Variants in BTBD2 observed in about 807,000 individuals in gnomAD.
BTBD2 encodes BTB/POZ domain-containing protein 2.
BTBD2 carries 15 observed loss-of-function variants against 44.0 expected under a neutral mutation model. The ratio of observed to expected loss-of-function variants is 0.34; its 90% CI spans 0.23 to 0.53. The LOEUF (loss-of-function observed/expected upper bound fraction) is 0.53. Among genes scored for constraint, BTBD2 ranks in the 20% least tolerant of loss-of-function variants. The pLI, the probability that BTBD2 is intolerant of heterozygous loss-of-function variation, is 0.95. For missense variants in BTBD2, 657 were observed against 746.4 expected (o/e 0.88, Z 1.39); for synonymous variants, 443 against 335.9 (o/e 1.32, Z -3.49).
At chr19:1,996,566 GGA>G (rs1341192978) in intron 2 of BTBD2, among the ~76,000 whole-genome samples, 4 of 137,038 alleles carry the variant, frequency 2.9e-5, no homozygotes, top group Non-Finnish European at 3.1e-5. Context: ...AAAAAAAGAA[GGA>G]AAGAAAAGAA....
chr19:2,007,073 G>T lies in BTBD2; in HGVS notation c.407+8224C>A, dbSNP rs553584701. Among the ~76,000 whole-genome samples, 198 of 152,164 alleles carry T rather than the reference G, an allele frequency of 1.3e-3. 1 individual carries two copies. Among genetic ancestry groups the T allele is most frequent in the Non-Finnish European group, 2.3e-3 (158 of 68,014 alleles). On this transcript the variant is annotated intron_variant, in intron 1 of 8. Coordinates refer to ENST00000255608, the MANE Select transcript of BTBD2 (RefSeq NM_017797.4). Reference sequence around the variant, plus strand: ...GGGTTTCACCATCTTGGCCAGGCTGGTCTTGAACTCCTGACCTCATGATCC... The same window carrying T: ...GGGTTTCACCATCTTGGCCAGGCTGTTCTTGAACTCCTGACCTCATGATCC...
At chr19:2,008,050 G>A (rs1168390732) in intron 1 of BTBD2, among the ~76,000 whole-genome samples, 1 of 151,574 alleles carries the variant, frequency 6.6e-6, no homozygotes, top group Admixed American at 6.6e-5. Context: ...TTTTGCCCAG[G>A]CTGGAGTGCA....
intron 6 of BTBD2, 79 bp from the exon 7 acceptor site, chr19:1,987,332 C>A: frequency 6.5e-7 from 1 of 1,527,492 alleles, no homozygotes; most frequent in Non-Finnish European, 9.0e-7. Context: ...CACCCCCATG[C>A]CCGGTCCCCT....
intron 2 of BTBD2, among the ~76,000 whole-genome samples, chr19:1,994,387 T>TG (rs2016223182): frequency 6.6e-6 from 1 of 152,030 alleles, no homozygotes; most frequent in African/African-American, 2.4e-5. Context: ...CCCAGCACGT[T>TG]GGGAGGCAGA....
chr19:2,001,582 G>A lies in BTBD2; in HGVS notation c.408-4119C>T, dbSNP rs112482548. Among the ~76,000 whole-genome samples, 538 of 152,296 alleles carry A rather than the reference G, an allele frequency of 3.5e-3. 2 individuals carry two copies. Among genetic ancestry groups the A allele is most frequent in the African/African-American group, 0.012 (488 of 41,554 alleles). On this transcript the variant is annotated intron_variant, in intron 1 of 8. Coordinates refer to ENST00000255608, the MANE Select transcript of BTBD2 (RefSeq NM_017797.4). ...CGTGATGTAATCTACGCAATGCAAC[G>A]TCCATGAAGAGCCTTAAACCACAGG...
intron 1 of BTBD2, among the ~76,000 whole-genome samples, chr19:2,001,624 G>T (rs994624979): frequency 6.6e-6 from 1 of 152,216 alleles, no homozygotes; most frequent in African/African-American, 2.4e-5. Flanking sequence ...CCTCCAAGCT[G>T]GTGACTTTAT....
chr19:2,013,871 G>A (rs2016498222), intron 1 of BTBD2: 1 of 155,838 alleles, frequency 6.4e-6, no homozygotes, highest in Non-Finnish European at 1.4e-5. Context: ...GGGTGGGAGT[G>A]GCAGGGTCCC....
intron 1 of BTBD2, among the ~76,000 whole-genome samples, chr19:2,010,634 T>TCC (rs910765921): frequency 7.6e-5 from 11 of 145,518 alleles, no homozygotes; most frequent in Non-Finnish European, 1.5e-4. Context: ...CGTCCCGACA[T>TCC]CCCCCCACCT....
chr19:1,990,547 C>T (rs1032200390), intron 4 of BTBD2, among the ~76,000 whole-genome samples, 170 bp downstream of exon 4: 3 of 152,280 alleles, frequency 2.0e-5, no homozygotes, highest in African/African-American at 7.2e-5. Context: ...GGCCAAGGCC[C>T]CGGACTCCCG....
intron 1 of BTBD2, chr19:2,003,301 G>A (rs34568594): frequency 0.21 from 31,630 of 151,648 alleles, 3,744 homozygotes; most frequent in African/African-American, 0.31. Flanking sequence ...GTGAAACCCC[G>A]TCTCTGCTAA....
At position 1,986,822 on chromosome 19, in the gene BTBD2, C is replaced by T. The variant is rs749035980; in HGVS notation, c.1416+8G>A. 6.9e-6 allele frequency: 11 copies of T among 1,598,818 alleles called. No individual in the cohort carries two copies. Among genetic ancestry groups the T allele is most frequent in the Middle Eastern group, 1.7e-4 (1 of 5,852 alleles). ...CCCACGGAGGGACCCCTGTCCCCGG[C>T]GGCGCACCTTGAGCGTGGCACAGGC... On this transcript the variant is annotated splice_region_variant and intron_variant, in intron 8 of 8. Coordinates refer to ENST00000255608, the MANE Select transcript of BTBD2 (RefSeq NM_017797.4).
intron 4 of BTBD2, chr19:1,990,471 A>T (rs1693907417): frequency 6.6e-6 from 4 of 610,200 alleles, no homozygotes; most frequent in Admixed American, 2.9e-5. Flanking sequence ...AGTCAAAGCC[A>T]TGGACCATCG....
At chr19:1,994,426 T>C (rs1376927393) in intron 2 of BTBD2, among the ~76,000 whole-genome samples, 1 of 151,536 alleles carries the variant, frequency 6.6e-6, no homozygotes, top group Non-Finnish European at 1.5e-5. Flanking sequence ...GACCAGGAGT[T>C]GGAAACCAGT....
Position 2,013,725 on chromosome 19 carries a change from G to A in BTBD2, c.407+1572C>T, listed in dbSNP as rs148455270. ...GGGCGGGCAGGGGGTATCCCTGGAG[G>A]GGAGCAGCATGGTTTGAAGGTCTCT... On this transcript the variant is annotated intron_variant, in intron 1 of 8. Transcript: ENST00000255608. 8.8e-4 allele frequency: 859 copies of A among 972,252 alleles called. 1 individual carries two copies. In the Middle Eastern group the frequency reaches 0.011, roughly 12 times the overall value. 60.2% of individuals were successfully genotyped at this position (972,252 alleles called of 1,614,324 possible). A position where few individuals can be genotyped will look rare whatever the true frequency, so the allele number is the denominator to read the frequency against.
chr19:1,998,705 A>T (rs1028161832), intron 1 of BTBD2, among the ~76,000 whole-genome samples: 2 of 152,078 alleles, frequency 1.3e-5, no homozygotes, highest in African/African-American at 2.4e-5. Context: ...TGTGCTGTCC[A>T]TGTACAGTCC....
intron 1 of BTBD2, among the ~76,000 whole-genome samples, chr19:2,010,011 G>A (rs2016443894): frequency 6.7e-6 from 1 of 150,326 alleles, no homozygotes; most frequent in Non-Finnish European, 1.5e-5. Context: ...AATTAGCCAA[G>A]TGTGGTGGCG....
intron 1 of BTBD2, among the ~76,000 whole-genome samples, chr19:2,012,000 G>C (rs1599362195): frequency 6.6e-6 from 1 of 151,982 alleles, no homozygotes; most frequent in South Asian, 2.1e-4. Context: ...GACTACAGTT[G>C]TGCACCACCA....
At chr19:1,993,265 T>C in intron 2 of BTBD2, 89 bp from the exon 3 acceptor site, 1 of 1,458,070 alleles carries the variant, frequency 6.9e-7, no homozygotes, top group Non-Finnish European at 9.1e-7. Context: ...ACCGTTAGAC[T>C]CGGCCACCGG....
At position 2,015,332 on chromosome 19, in the gene BTBD2, G is replaced by A. The variant is rs751589180; in HGVS notation, c.372C>T (p.Gly124=). The A allele has an allele frequency of 6.3e-7, 1 of 1,580,398 alleles. No individual in the cohort carries two copies. The highest frequency in any genetic ancestry group is 1.1e-5 in the South Asian group (1 of 88,708). Reference sequence around the variant, plus strand: ...GGATGCGCTGCGAGCTGAGCCCCTTGCCCACCAGGAAGTGCACGTCGCACA... The same window carrying A: ...GGATGCGCTGCGAGCTGAGCCCCTTACCCACCAGGAAGTGCACGTCGCACA... The part of the protein sequence containing the change: ...EVLCDVHFLV[G]KGLSSQRIPA... The change falls in exon 1 of 9, where the codon GGC becomes GGT. Residue 124 remains glycine, a synonymous_variant. Coordinates refer to ENST00000255608, the MANE Select transcript of BTBD2 (RefSeq NM_017797.4).
Sources: gnomAD v4.1 joint callset for allele counts (sites outside exome capture counted in the v4.1 genomes callset) on GRCh38, gnomAD v4.1.1 for gene constraint, MANE v1.5 for transcripts, NCBI Gene and HGNC (gene_info 2026-07-23, HGNC 2026-07-21) for gene names.